PCNX2: variants seen among roughly 807,000 people sequenced by gnomAD.
PCNX2 encodes the protein pecanex-like protein 2.
A neutral mutation model predicts 223.8 loss-of-function variants in PCNX2; 168 were observed. The observed-to-expected ratio is 0.75, with a 90% CI of 0.66 to 0.85. PCNX2 has a LOEUF of 0.85. Ranked by LOEUF, PCNX2 falls within the 40% of genes least tolerant of loss-of-function variation. The probability of loss-of-function intolerance (pLI) is 0.00; values close to 1 mark genes in which losing one functional copy is unlikely to be tolerated. For synonymous variants in PCNX2, 1,006 were observed against 1,052.6 expected (o/e 0.96, Z 0.86); for missense variants, 2,507 against 2,675.5 (o/e 0.94, Z 1.39).
chr1:233,138,666 CCA>C (rs777226110), intron 20 of PCNX2, among the ~76,000 whole-genome samples: 3 of 152,170 alleles, frequency 2.0e-5, no homozygotes, highest in Non-Finnish European at 4.4e-5. Context: ...TTTTCTAAAT[CCA>C]GTGAAACTAA....
intron 17 of PCNX2, chr1:233,172,655 C>T: frequency 1.6e-6 from 1 of 645,056 alleles, no homozygotes; most frequent in Non-Finnish European, 1.9e-6. Context: ...GGCTTAAGGT[C>T]CCCAGGTTGG....
chr1:233,248,511 G>A (rs550402259), intron 8 of PCNX2, among the ~76,000 whole-genome samples: 1 of 152,128 alleles, frequency 6.6e-6, no homozygotes, highest in South Asian at 2.1e-4. Context: ...CCGGGGTGAG[G>A]TGTTTGAGAA....
intron 19 of PCNX2, among the ~76,000 whole-genome samples, chr1:233,158,485 A>T (rs750464932): frequency 2.6e-5 from 4 of 152,214 alleles, no homozygotes; most frequent in Non-Finnish European, 5.9e-5. Context: ...GGTATAGATA[A>T]AGGTAAAGGT....
At chr1:233,141,597 C>T (rs192174125) in intron 19 of PCNX2, among the ~76,000 whole-genome samples, 43 of 152,176 alleles carry the variant, frequency 2.8e-4, no homozygotes, top group Middle Eastern at 3.4e-3. Context: ...ACCCGGAACC[C>T]GGGAGGCAGA....
chr1:232,984,353 A>G lies in PCNX2; in HGVS notation c.6365T>C (p.Met2122Thr). 1.2e-6 allele frequency: 2 copies of G among 1,613,268 alleles called. No homozygotes were observed. Among genetic ancestry groups the G allele is most frequent in the Non-Finnish European group, 1.7e-6 (2 of 1,179,718 alleles). The change falls in exon 34 of 34, where the codon ATG becomes ACG. Residue 2122 changes from methionine (M) to threonine (T), a missense_variant. Physicochemically the swap from Met to Thr is moderately conservative, Grantham distance 81 (BLOSUM62 -1). This residue lies in a region of PCNX2 where 1,372 missense variants were observed against 1,509.4 expected (regional missense o/e 0.91). Coordinates refer to ENST00000258229, the MANE Select transcript of PCNX2 (RefSeq NM_014801.4). The part of the protein sequence containing the change: ...VVCRRASQED[M>T]GLDDTASQQS... ...CTGCGAGGCCGTGTCGTCCAGGCCC[A>G]TGTCCTCCTGGCTTGCTCTCCTGCA...
intron 13 of PCNX2, among the ~76,000 whole-genome samples, chr1:233,203,549 T>A (rs190638124): frequency 2.7e-4 from 41 of 152,358 alleles, no homozygotes; most frequent in African/African-American, 9.9e-4. Flanking sequence ...TACCTCCTTA[T>A]TCATCTGAAT....
intron 1 of PCNX2, among the ~76,000 whole-genome samples, chr1:233,288,269 T>C (rs1661557967): frequency 6.6e-6 from 1 of 152,114 alleles, no homozygotes; most frequent in South Asian, 2.1e-4. Flanking sequence ...ACAAAAATAA[T>C]AGGGTATTAA....
At chr1:233,235,948 A>AT (rs1658362209) in intron 9 of PCNX2, among the ~76,000 whole-genome samples, 1 of 79,880 alleles carries the variant, frequency 1.3e-5, no homozygotes, top group Non-Finnish European at 2.4e-5. Context: ...CAAAGCAATC[A>AT]TAAAAAAAAA....
At chr1:233,226,233 G>GC (rs929461310) in intron 10 of PCNX2, among the ~76,000 whole-genome samples, 3 of 152,122 alleles carry the variant, frequency 2.0e-5, no homozygotes, top group African/African-American at 7.2e-5. Flanking sequence ...CAAATGAGAA[G>GC]CCCCCACTCC....
chr1:233,166,613 G>A (rs1558301836), intron 17 of PCNX2, among the ~76,000 whole-genome samples: 1 of 152,112 alleles, frequency 6.6e-6, no homozygotes, highest in Non-Finnish European at 1.5e-5. Context: ...ATGGCAAATG[G>A]TAATTACTGA....
chr1:233,278,147 CTT>C (rs562152462), intron 1 of PCNX2, among the ~76,000 whole-genome samples: 172 of 152,286 alleles, frequency 1.1e-3, no homozygotes, highest in African/African-American at 4.0e-3. Context: ...TGTGTCTACT[CTT>C]TGTGTGCACA....
At chr1:233,205,596 G>A (rs997713311) in intron 13 of PCNX2, among the ~76,000 whole-genome samples, 2 of 152,082 alleles carry the variant, frequency 1.3e-5, no homozygotes, top group African/African-American at 2.4e-5. Context: ...TTGGGAGGCT[G>A]AGGCAGGAAG....
intron 13 of PCNX2, among the ~76,000 whole-genome samples, chr1:233,203,956 G>T (rs1419811585): frequency 6.6e-6 from 1 of 152,134 alleles, no homozygotes; most frequent in Non-Finnish European, 1.5e-5. Context: ...AAATCGACGG[G>T]AAAAAATGTC....
In PCNX2 at chr1:233,050,833, T is replaced by C. The variant is rs375921693; in HGVS notation, c.4351+3435A>G. Among the ~76,000 whole-genome samples the C allele has an allele frequency of 4.2e-4, 64 of 152,246 alleles. 2 individuals carry two copies. The East Asian group carries it at 8.9e-3, about 21-fold the overall frequency. Reference sequence around the variant, plus strand: ...ACAAAAATGGGCAAATGAGACCTAATTAAACTAAAGAGCTTCTGCACAGCA... The same window carrying C: ...ACAAAAATGGGCAAATGAGACCTAACTAAACTAAAGAGCTTCTGCACAGCA... On this transcript the variant is annotated intron_variant, in intron 25 of 33. Transcript: ENST00000258229.
In PCNX2 at chr1:233,090,311, C is replaced by G. The variant is rs563995496; in HGVS notation, c.3947-121G>C. On this transcript the variant is annotated intron_variant, in intron 22 of 33. Coordinates refer to ENST00000258229, the MANE Select transcript of PCNX2 (RefSeq NM_014801.4). ...TTTCCACCAAAGAAAGAACAAAGAA[C>G]ACACACTTAATCTCTCTATGTATAG... 41 of 1,166,568 alleles carry G rather than the reference C, an allele frequency of 3.5e-5. 1 individual carries two copies. The East Asian group carries it at 6.5e-4, about 18-fold the overall frequency. 72.3% of individuals were successfully genotyped at this position (1,166,568 alleles called of 1,614,324 possible).
At chr1:232,987,641 T>C (rs1383184977) in intron 32 of PCNX2, among the ~76,000 whole-genome samples, 1 of 152,294 alleles carries the variant, frequency 6.6e-6, no homozygotes, top group South Asian at 2.1e-4. Context: ...TCATTATGCA[T>C]CTGGTGATTG....
chr1:233,302,373 T>G, the PCNX2 span, among the ~76,000 whole-genome samples: 1 of 152,300 alleles, frequency 6.6e-6, no homozygotes. Context: ...TGCATTTTTA[T>G]GCACAGTGGT....
At chr1:233,022,698 T>TC (rs1161178744) in intron 26 of PCNX2, among the ~76,000 whole-genome samples, 2 of 63,976 alleles carry the variant, frequency 3.1e-5, no homozygotes, top group Non-Finnish European at 5.5e-5. Context: ...TTTCTTTCTT[T>TC]TTTTTTTTTT....
At chr1:233,179,298 C>G (rs1000490478) in intron 15 of PCNX2, 123 bp from the exon 16 acceptor site, 2 of 1,013,412 alleles carry the variant, frequency 2.0e-6, no homozygotes, top group African/African-American at 3.2e-5. Context: ...CATGATTATT[C>G]CTGCCCACGG....
Sources: gnomAD v4.1 joint callset for allele counts (sites outside exome capture counted in the v4.1 genomes callset) on GRCh38, gnomAD v4.1.1 for gene constraint, gnomAD v4.1.1 regional missense constraint, MANE v1.5 for transcripts, NCBI Gene and HGNC (gene_info 2026-07-23, HGNC 2026-07-21) for gene names.